Variants in CTNND2 observed in about 807,000 individuals in gnomAD.
The protein encoded by CTNND2 is catenin delta 2.
A neutral mutation model predicts 144.4 loss-of-function variants in CTNND2; 22 were observed. The ratio of observed to expected loss-of-function variants is 0.15; its 90% confidence interval spans 0.11 to 0.22. The LOEUF is 0.22. Among genes scored for constraint, CTNND2 ranks in the 10% least tolerant of loss-of-function variants. The pLI is 1.00. For synonymous variants in CTNND2, 751 were observed against 695.6 expected (o/e 1.08, Z -1.25); for missense variants, 1,353 against 1,618.8 (o/e 0.84, Z 2.82).
Position 11,513,885 on chromosome 5 carries a change from A to G in CTNND2, c.287+51059T>C, listed in dbSNP as rs183775592. Reference sequence around the variant, plus strand: ...GTATTTGTATAATAATAGGAAGTATATATAAGTATCAAATGCACTGAAGAC... The same window carrying G: ...GTATTTGTATAATAATAGGAAGTATGTATAAGTATCAAATGCACTGAAGAC... On this transcript the variant is annotated intron_variant, in intron 3 of 21. Transcript: ENST00000304623. Among the ~76,000 whole-genome samples the G allele has an allele frequency of 2.3e-3, 343 of 152,328 alleles. 2 individuals are homozygous for G. The highest frequency in any genetic ancestry group is 7.8e-3 in the African/African-American group (326 of 41,584).
rs368815628 is a variant in CTNND2, at chr5:11,380,515, C to G, written c.1177+4150G>C. Among the ~76,000 whole-genome samples the G allele has an allele frequency of 2.0e-5, 3 of 152,262 alleles. 1 individual carries two copies. The highest frequency in any genetic ancestry group is 3.9e-4 in the East Asian group (2 of 5,170). On this transcript the variant is annotated intron_variant, in intron 7 of 21. Transcript: ENST00000304623. ...AGCCTACCAGCCTTAAGGAGCTCCC[C>G]CAAGGCAGAGTTGGCTTTCCACTCA...
At chr5:11,224,214 G>A (rs1232939977) in intron 10 of CTNND2, among the ~76,000 whole-genome samples, 1 of 152,118 alleles carries the variant, frequency 6.6e-6, no homozygotes, top group Non-Finnish European at 1.5e-5. Flanking sequence ...GATGACTCAT[G>A]GTCCTTTCCA....
intron 18 of CTNND2, among the ~76,000 whole-genome samples, chr5:11,009,690 G>A (rs892024339): frequency 1.3e-5 from 2 of 152,226 alleles, no homozygotes; most frequent in African/African-American, 4.8e-5. Context: ...TTGTGAAATG[G>A]TGGAATTATA....
intron 9 of CTNND2, among the ~76,000 whole-genome samples, chr5:11,240,124 C>CA (rs1561073637): frequency 3.4e-4 from 49 of 142,098 alleles, no homozygotes; most frequent in African/African-American, 1.2e-3. Context: ...ACACACACAC[C>CA]CCCAACACAC....
intron 11 of CTNND2, among the ~76,000 whole-genome samples, chr5:11,171,022 C>T (rs1759849636): frequency 6.6e-6 from 1 of 152,164 alleles, no homozygotes; most frequent in African/African-American, 2.4e-5. Flanking sequence ...CAATTACCTC[C>T]CATGGGGTCC....
At chr5:11,741,557 T>G (rs1581805820) in intron 1 of CTNND2, among the ~76,000 whole-genome samples, 1 of 150,822 alleles carries the variant, frequency 6.6e-6, no homozygotes, top group South Asian at 2.1e-4. Context: ...ATCAACACAC[T>G]GGGGCCTGTC....
intron 9 of CTNND2, among the ~76,000 whole-genome samples, chr5:11,301,204 A>T (rs979725110): frequency 2.0e-5 from 3 of 152,020 alleles, no homozygotes; most frequent in Middle Eastern, 3.4e-3. Context: ...TTTTTAGTAG[A>T]GATAGGGTTT....
intron 15 of CTNND2, among the ~76,000 whole-genome samples, chr5:11,094,992 T>G (rs1751190177): frequency 6.6e-6 from 1 of 152,256 alleles, no homozygotes; most frequent in Admixed American, 6.5e-5. Flanking sequence ...TGCACAGATT[T>G]ATTGTGCTGG....
chr5:11,702,925 T>C (rs7714628), intron 2 of CTNND2, among the ~76,000 whole-genome samples: 12,164 of 152,220 alleles, frequency 0.08, 1,597 homozygotes, highest in African/African-American at 0.27. Context: ...GCTTAGTACC[T>C]GATCATGTCA....
At chr5:11,414,962 G>A (rs1201508635) in intron 3 of CTNND2, among the ~76,000 whole-genome samples, 1 of 152,078 alleles carries the variant, frequency 6.6e-6, no homozygotes, top group Non-Finnish European at 1.5e-5. Flanking sequence ...AGTATTCCAT[G>A]GTGTATATGT....
intron 3 of CTNND2, among the ~76,000 whole-genome samples, chr5:11,425,169 C>G (rs1762679198): frequency 6.6e-6 from 1 of 152,152 alleles, no homozygotes; most frequent in South Asian, 2.1e-4. Flanking sequence ...GAGCAGAGTA[C>G]AAGTCTTAAT....
chr5:11,319,860 G>T (rs1751862109), intron 9 of CTNND2, among the ~76,000 whole-genome samples: 1 of 152,090 alleles, frequency 6.6e-6, no homozygotes, highest in Non-Finnish European at 1.5e-5. Context: ...TCATGTATTT[G>T]TTTTTTTGGA....
chr5:11,518,328 G>A (rs1772381097), intron 3 of CTNND2, among the ~76,000 whole-genome samples: 1 of 152,116 alleles, frequency 6.6e-6, no homozygotes, highest in East Asian at 1.9e-4. Flanking sequence ...TTGTACAGCT[G>A]TACAATTTGT....
At chr5:11,892,051 C>A (rs1409901992) in intron 1 of CTNND2, among the ~76,000 whole-genome samples, 1 of 152,238 alleles carries the variant, frequency 6.6e-6, no homozygotes, top group East Asian at 1.9e-4. Context: ...AACAGCTTCA[C>A]AAATTCTTCT....
intron 11 of CTNND2, among the ~76,000 whole-genome samples, chr5:11,166,736 C>A (rs1167978454): frequency 1.3e-5 from 2 of 152,054 alleles, no homozygotes; most frequent in African/African-American, 4.8e-5. Context: ...TCCTGTTATA[C>A]TATTGTGTGT....
intron 3 of CTNND2, among the ~76,000 whole-genome samples, chr5:11,521,707 G>A (rs550063512): frequency 6.2e-4 from 95 of 152,278 alleles, no homozygotes; most frequent in African/African-American, 2.3e-3. Context: ...TTCTTTGGTA[G>A]CTTTACTGAG....
chr5:11,170,903 C>G (rs1759838365), intron 11 of CTNND2, among the ~76,000 whole-genome samples: 1 of 152,182 alleles, frequency 6.6e-6, no homozygotes, highest in South Asian at 2.1e-4. Context: ...AACATGGTGG[C>G]AGGCAAGAGA....
At chr5:11,034,938 T>C (rs1332540674) in intron 16 of CTNND2, among the ~76,000 whole-genome samples, 5 of 151,862 alleles carry the variant, frequency 3.3e-5, no homozygotes, top group African/African-American at 1.2e-4. Context: ...TAGTTACATA[T>C]GTATACATGT....
At chr5:11,228,200 C>T (rs1183400221) in intron 10 of CTNND2, among the ~76,000 whole-genome samples, 3 of 151,498 alleles carry the variant, frequency 2.0e-5, no homozygotes, top group African/African-American at 7.3e-5. Flanking sequence ...AAATTTTTAG[C>T]CAGGCGTGGT....
Sources: allele counts gnomAD v4.1 joint callset (sites outside exome capture counted in the v4.1 genomes callset), GRCh38; gene constraint gnomAD v4.1.1; transcripts MANE v1.5; gene names NCBI Gene and HGNC (gene_info 2026-07-23, HGNC 2026-07-21).